RGS7: variants seen among roughly 807,000 people sequenced by gnomAD.
RGS7 encodes regulator of G-protein signaling 7.
Under a neutral mutation model 81.1 loss-of-function variants are expected in RGS7, and 27 were observed. That is an observed-to-expected ratio of 0.33 (90% confidence interval 0.25 to 0.46). The LOEUF (loss-of-function observed/expected upper bound fraction) is 0.46. Ranked by LOEUF, RGS7 falls within the 20% of genes least tolerant of loss-of-function variation. The pLI is 1.00. For missense variants in RGS7, 396 were observed against 607.4 expected (o/e 0.65, Z 3.66); for synonymous variants, 208 against 207.7 (o/e 1.00, Z -0.01).
chr1:241,008,664 G>T (rs1392159002), intron 3 of RGS7, among the ~76,000 whole-genome samples: 1 of 152,128 alleles, frequency 6.6e-6, no homozygotes, highest in Admixed American at 6.5e-5. Context: ...TGTAAACCCA[G>T]CACTTTGGGA....
At chr1:240,888,894 A>C (rs781145538) in intron 6 of RGS7, among the ~76,000 whole-genome samples, 37 of 152,122 alleles carry the variant, frequency 2.4e-4, no homozygotes, top group Non-Finnish European at 5.1e-4. Context: ...GCGGGTGCAA[A>C]GGGCAGAGCT....
chr1:240,863,208 T>C (rs2147993169), intron 9 of RGS7, among the ~76,000 whole-genome samples: 1 of 152,266 alleles, frequency 6.6e-6, no homozygotes, highest in Non-Finnish European at 1.5e-5. Context: ...GCACGGTGGC[T>C]CATGCCTATA....
intron 4 of RGS7, among the ~76,000 whole-genome samples, chr1:240,981,877 C>G (rs1277400706): frequency 6.6e-6 from 1 of 152,240 alleles, no homozygotes; most frequent in East Asian, 1.9e-4. Context: ...ACTGTTAATT[C>G]TAAACCATTT....
intron 2 of RGS7, among the ~76,000 whole-genome samples, chr1:241,100,785 A>G (rs2064679567): frequency 6.6e-6 from 1 of 152,244 alleles, no homozygotes; most frequent in African/African-American, 2.4e-5. Flanking sequence ...AACAACAAAT[A>G]TTAGACCAAA....
At chr1:241,354,987 A>C (rs2083465991) in intron 2 of RGS7, among the ~76,000 whole-genome samples, 1 of 151,574 alleles carries the variant, frequency 6.6e-6, no homozygotes, top group East Asian at 2.0e-4. Context: ...ACGCATCTTT[A>C]TTATGGTTGC....
At chr1:241,041,822 A>G (rs992831147) in intron 3 of RGS7, among the ~76,000 whole-genome samples, 2 of 151,694 alleles carry the variant, frequency 1.3e-5, no homozygotes, top group Non-Finnish European at 2.9e-5. Context: ...CTAACTCAGT[A>G]CTACCTTTGG....
chr1:241,262,386 T>C (rs1469817911), intron 2 of RGS7, among the ~76,000 whole-genome samples: 3 of 152,196 alleles, frequency 2.0e-5, no homozygotes, highest in Admixed American at 2.0e-4. Context: ...GAATATTTCA[T>C]CTTCATAGCA....
intron 3 of RGS7, among the ~76,000 whole-genome samples, chr1:241,096,853 TC>T (rs1299573910): frequency 1.3e-5 from 2 of 152,132 alleles, no homozygotes; most frequent in Non-Finnish European, 2.9e-5. Flanking sequence ...TTAGAATGCC[TC>T]TAAGCAGGCC....
intron 6 of RGS7, among the ~76,000 whole-genome samples, chr1:240,921,091 C>T (rs766352620): frequency 2.6e-5 from 4 of 151,920 alleles, no homozygotes; most frequent in East Asian, 1.9e-4. Flanking sequence ...GTGGAGAAGC[C>T]GTTGTCTTCA....
At chr1:240,951,745 A>G (rs1679597058) in intron 4 of RGS7, among the ~76,000 whole-genome samples, 1 of 152,202 alleles carries the variant, frequency 6.6e-6, no homozygotes, top group Admixed American at 6.5e-5. Flanking sequence ...TTGAAATGAT[A>G]ATGGCTGAAG....
chr1:240,807,693 A>T (rs1689107542), intron 14 of RGS7, among the ~76,000 whole-genome samples: 1 of 152,142 alleles, frequency 6.6e-6, no homozygotes. Flanking sequence ...AAGGCTCAAG[A>T]CCTTTCCCTC....
intron 2 of RGS7, among the ~76,000 whole-genome samples, chr1:241,171,820 C>G (rs1156912896): frequency 6.6e-6 from 1 of 152,076 alleles, no homozygotes; most frequent in Non-Finnish European, 1.5e-5. Flanking sequence ...ATTTTTTGTT[C>G]ATCTCTCAGT....
At chr1:240,896,345 TGA>T (rs1315585855) in intron 6 of RGS7, among the ~76,000 whole-genome samples, 1 of 152,222 alleles carries the variant, frequency 6.6e-6, no homozygotes, top group Non-Finnish European at 1.5e-5. Context: ...GTTTTAGACA[TGA>T]AGTCCTCGCC....
intron 4 of RGS7, among the ~76,000 whole-genome samples, chr1:240,976,884 T>G (rs1347886170): frequency 6.7e-6 from 1 of 148,848 alleles, no homozygotes; most frequent in Non-Finnish European, 1.5e-5. Flanking sequence ...TCTGTCTATC[T>G]CTTTATCATC....
downstream of RGS7, among the ~76,000 whole-genome samples, chr1:240,774,866 G>GTAT (rs539354370): frequency 8.7e-5 from 13 of 148,968 alleles, no homozygotes; most frequent in Non-Finnish European, 1.6e-4. Flanking sequence ...AATTAAAGTT[G>GTAT]TATTAATTAA....
chr1:240,990,607 T>G (rs1686318125), intron 3 of RGS7, among the ~76,000 whole-genome samples: 1 of 152,240 alleles, frequency 6.6e-6, no homozygotes, highest in African/African-American at 2.4e-5. Context: ...TATTGTTACT[T>G]CTGGATTTTT....
intron 2 of RGS7, among the ~76,000 whole-genome samples, chr1:241,259,667 A>AAAAAAAAAAAAATATATATATATATAT: frequency 2.0e-5 from 1 of 49,144 alleles, no homozygotes; most frequent in Non-Finnish European, 3.6e-5. Context: ...AAAAAAAAAA[A>AAAAAAAAAAAAATATATATATATATAT]ATATATATAT....
intron 4 of RGS7, among the ~76,000 whole-genome samples, chr1:240,944,282 GTATATATATATATATA>G (rs760788169): frequency 0.011 from 637 of 55,792 alleles, 21 homozygotes; most frequent in East Asian, 0.053. Flanking sequence ...GTGTGTGTGT[GTATATATATATATATA>G]TATATATATA....
At chr1:240,972,536 G>C (rs558974703) in intron 4 of RGS7, among the ~76,000 whole-genome samples, 1 of 110,370 alleles carries the variant, frequency 9.1e-6, no homozygotes, top group Non-Finnish European at 1.8e-5. Context: ...TCACACTCTG[G>C]GGACTGTGGT....
Sources: gnomAD v4.1 joint callset for allele counts (sites outside exome capture counted in the v4.1 genomes callset) on GRCh38, gnomAD v4.1.1 for gene constraint, MANE v1.5 for transcripts, NCBI Gene and HGNC (gene_info 2026-07-23, HGNC 2026-07-21) for gene names.